CRMP1: variants seen among roughly 807,000 people sequenced by gnomAD.
CRMP1 encodes collapsin response mediator protein 1.
CRMP1 carries 19 observed loss-of-function variants against 68.3 expected under a neutral mutation model. That is an observed-to-expected ratio of 0.28 (90% CI 0.19 to 0.41). The LOEUF (loss-of-function observed/expected upper bound fraction) is 0.41. Ranked by LOEUF, CRMP1 falls within the 10% of genes least tolerant of loss-of-function variation. The pLI is 1.00. For synonymous variants in CRMP1, 439 were observed against 399.6 expected (o/e 1.10, Z -1.18); for missense variants, 791 against 967.4 (o/e 0.82, Z 2.42).
intron 6 of CRMP1, among the ~76,000 whole-genome samples, chr4:5,845,635 GA>G (rs1441621511): frequency 6.6e-6 from 1 of 152,192 alleles, no homozygotes; most frequent in East Asian, 1.9e-4. Context: ...AGACCCACAG[GA>G]CCATGAGATA....
In CRMP1 at chr4:5,892,753, C is replaced by T; in HGVS notation, c.217G>A (p.Val73Ile). The change falls in exon 1 of 14, where the codon GTC becomes ATC. Residue 73 changes from valine (V) to isoleucine (I), a missense_variant. Physicochemically the swap from Val to Ile is conservative, Grantham distance 29. This residue lies in a region of CRMP1 where 193 missense variants were observed against 186.3 expected (regional missense o/e 1.04). Transcript: ENST00000324989. The surrounding 1 kb of genome is among the most constrained non-coding windows in gnomAD (Gnocchi z 8.6). ...CTGCCTCCCGGCCCTGGCAGCCCGA[C>T]CGCGTCGGGCCGGCCAGCGCTGCGC... ...TPRSAGRPDA[V>I]GLPGPGGSED... 1 of 1,228,102 alleles carries T rather than the reference C, an allele frequency of 8.1e-7. No homozygotes were observed. The highest frequency in any genetic ancestry group is 3.5e-5 in the East Asian group (1 of 28,766). The allele number at this position is 1,228,102 out of a possible 1,614,324, so 76.1% of individuals were successfully genotyped here.
At chr4:5,863,308 A>G (rs1713727040) in intron 2 of CRMP1, among the ~76,000 whole-genome samples, 1 of 151,966 alleles carries the variant, frequency 6.6e-6, no homozygotes, top group Non-Finnish European at 1.5e-5. Flanking sequence ...AGGTATTCTC[A>G]TTTTGCAAAA....
At chr4:5,886,934 G>C (rs1370903619) in intron 1 of CRMP1, among the ~76,000 whole-genome samples, 4 of 152,232 alleles carry the variant, frequency 2.6e-5, no homozygotes, top group Non-Finnish European at 5.9e-5. Flanking sequence ...CCTCTGGATG[G>C]GGGCTTGGCA....
intron 1 of CRMP1, among the ~76,000 whole-genome samples, chr4:5,878,194 T>C (rs1242032972): frequency 6.6e-6 from 1 of 151,520 alleles, no homozygotes; most frequent in Non-Finnish European, 1.5e-5. Flanking sequence ...AGCTAGGATT[T>C]GAACCGAATT....
Position 5,881,033 on chromosome 4 carries a change from C to T in CRMP1, c.381+11556G>A, listed in dbSNP as rs376180292. Among the ~76,000 whole-genome samples, 106 of 152,292 alleles carry T rather than the reference C, an allele frequency of 7.0e-4. 1 individual carries two copies. Among genetic ancestry groups the T allele is most frequent in the African/African-American group, 2.5e-3 (105 of 41,540 alleles). ...TTACTGAAATTGAAGTGCTCACCAC[C>T]CCCAGCCCAGGAGGAGGAATCCTTT... is the stretch of plus-strand genomic sequence containing the variant. On this transcript the variant is annotated intron_variant, in intron 1 of 13. Transcript: ENST00000324989. This position sits in a 1 kb window ranked among gnomAD's most constrained non-coding sequence, Gnocchi z 4.6.
rs1449350712 is a variant in CRMP1, at chr4:5,889,012, A to G, written c.381+3577T>C. Among the ~76,000 whole-genome samples, 1 of 151,782 alleles carries G rather than the reference A, an allele frequency of 6.6e-6. No homozygotes were observed. The highest frequency in any genetic ancestry group is 1.5e-5 in the Non-Finnish European group (1 of 67,928). On this transcript the variant is annotated intron_variant, in intron 1 of 13. Coordinates refer to ENST00000324989, the MANE Select transcript of CRMP1 (RefSeq NM_001014809.3). This position sits in a 1 kb window ranked among gnomAD's most constrained non-coding sequence, Gnocchi z 4.5. ...AGCACTTTTTCCATCTCGGACCCCA[A>G]GCCTTTATTCACGCTGTACCCTCTC...
Position 5,865,179 on chromosome 4 carries a change from C to A in CRMP1, c.470+1489G>T, listed in dbSNP as rs555825692. 2.0e-5 allele frequency among the ~76,000 whole-genome samples: 3 copies of A among 152,250 alleles called. No homozygotes were observed. Among genetic ancestry groups the A allele is most frequent in the African/African-American group, 7.2e-5 (3 of 41,536 alleles). ...TCCCCTTGCTCCAATTCCCCTCTGCCTTTCCTTCTTGTGCCAGCCACTCAT... is the reference window on the plus strand; with the variant it reads ...TCCCCTTGCTCCAATTCCCCTCTGCATTTCCTTCTTGTGCCAGCCACTCAT... On this transcript the variant is annotated intron_variant, in intron 2 of 13. Coordinates refer to ENST00000324989, the MANE Select transcript of CRMP1 (RefSeq NM_001014809.3). The surrounding 1 kb of genome is among the most constrained non-coding windows in gnomAD (Gnocchi z 4.1).
intron 1 of CRMP1, among the ~76,000 whole-genome samples, chr4:5,885,216 T>C (rs1415355241): frequency 2.0e-5 from 3 of 152,128 alleles, no homozygotes; most frequent in Non-Finnish European, 4.4e-5. Flanking sequence ...CTGCCTGTGA[T>C]GCCCCTTCAC....
intron 8 of CRMP1, among the ~76,000 whole-genome samples, chr4:5,839,936 G>A (rs1004333248): frequency 9.2e-5 from 14 of 152,318 alleles, no homozygotes; most frequent in African/African-American, 2.4e-4. Context: ...CTGTGGATAT[G>A]GCTGTTGCTT....
chr4:5,828,493 T>G lies in CRMP1; in HGVS notation c.1799A>C (p.Asn600Thr), dbSNP rs1346575481. The G allele has an allele frequency of 2.5e-6, 4 of 1,613,988 alleles. No individual in the cohort carries two copies. The highest frequency in any genetic ancestry group is 3.4e-6 in the Non-Finnish European group (4 of 1,179,874). The change falls in exon 12 of 14, where the codon AAT (asparagine) becomes ACT (threonine). Residue 600 changes from asparagine (N) to threonine (T), a missense_variant. Asn to Thr is a moderately conservative substitution (Grantham distance 65, BLOSUM62 0). Around this residue, in one of 3 missense-constraint regions of CRMP1, gnomAD observed 594 missense variants for 763.6 expected, o/e 0.78. Coordinates refer to ENST00000324989, the MANE Select transcript of CRMP1 (RefSeq NM_001014809.3). ...CTCCCCTGCAGACACACTCACCTTA[T>G]TCCTGATTTTGACGCGCTGGTACAG... ...EHLYQRVKIR[N>T]KVFGLQGVSR...
At position 5,860,982 on chromosome 4, in the gene CRMP1, A is replaced by G. The variant is rs747461734; in HGVS notation, c.655+44T>C. The stretch of plus-strand genomic sequence containing the variant: ...TTGTGATGCTGGTGATGGGGAGGAG[A>G]CCTCACAGTCTATGTCCCTAAGGCA... On this transcript the variant is annotated intron_variant, in intron 3 of 13. Coordinates refer to ENST00000324989, the MANE Select transcript of CRMP1 (RefSeq NM_001014809.3). The surrounding 1 kb of genome is among the most constrained non-coding windows in gnomAD (Gnocchi z 4.2). 3 of 1,585,038 alleles carry G rather than the reference A, an allele frequency of 1.9e-6. No homozygotes were observed. In the South Asian group the frequency reaches 3.4e-5, roughly 18 times the overall value.
At position 5,860,464 on chromosome 4, in the gene CRMP1, G is replaced by C. The variant is rs955065498; in HGVS notation, c.655+562C>G. 1.3e-5 allele frequency among the ~76,000 whole-genome samples: 2 copies of C among 152,090 alleles called. No individual in the cohort carries two copies. The highest frequency in any genetic ancestry group is 2.4e-5 in the African/African-American group (1 of 41,410). ...AAGATTTGGGGGCTGTTTGTTACGC[G>C]GTGTTATCACAGTATTACTGCAGCA... On this transcript the variant is annotated intron_variant, in intron 3 of 13. Coordinates refer to ENST00000324989, the MANE Select transcript of CRMP1 (RefSeq NM_001014809.3). This position sits in a 1 kb window ranked among gnomAD's most constrained non-coding sequence, Gnocchi z 4.2.
In CRMP1 at chr4:5,881,142, C is replaced by CACA. The variant is rs1715195397; in HGVS notation, c.381+11444_381+11446dup. Among the ~76,000 whole-genome samples, 1 of 152,256 alleles carries CACA rather than the reference C, an allele frequency of 6.6e-6. No individual in the cohort carries two copies. The highest frequency in any genetic ancestry group is 1.5e-5 in the Non-Finnish European group (1 of 68,044). ...AGGCGAATGCTCTGGATGCCTGGGACACAGGCCCAAGGAAGGAGTGGGGAA... is the reference window on the plus strand; with the variant it reads ...AGGCGAATGCTCTGGATGCCTGGGACACAACAGGCCCAAGGAAGGAGTGGGGAA... On this transcript the variant is annotated intron_variant, in intron 1 of 13. Coordinates refer to ENST00000324989, the MANE Select transcript of CRMP1 (RefSeq NM_001014809.3). The surrounding 1 kb of genome is among the most constrained non-coding windows in gnomAD (Gnocchi z 4.6).
At chr4:5,875,410 A>T (rs1714739775) in intron 1 of CRMP1, among the ~76,000 whole-genome samples, 2 of 152,116 alleles carry the variant, frequency 1.3e-5, no homozygotes, top group South Asian at 4.1e-4. Flanking sequence ...AAAAAAAAAA[A>T]AAAAAAGAGA....
Position 5,829,158 on chromosome 4 carries a change from C to T in CRMP1, c.1624-490G>A, listed in dbSNP as rs1577742433. 2.0e-5 allele frequency among the ~76,000 whole-genome samples: 3 copies of T among 152,122 alleles called. No individual in the cohort carries two copies. In the South Asian group the frequency reaches 6.2e-4, roughly 31 times the overall value. ...CAATTGACACGATATCGGCACTTACCCCCTCCAGCATTGGGTAATGCCATT... is the reference window on the plus strand; with the variant it reads ...CAATTGACACGATATCGGCACTTACTCCCTCCAGCATTGGGTAATGCCATT... On this transcript the variant is annotated intron_variant, in intron 11 of 13. Transcript: ENST00000324989.
rs1425401192 is a variant in CRMP1, at chr4:5,841,429, C to A, written c.1033-1G>T. Reference sequence around the variant, plus strand: ...CCCGGAACACCGCCTCGGCCTCCAGCTGAACACGGCACACACAGTGTCACA... The same window carrying A: ...CCCGGAACACCGCCTCGGCCTCCAGATGAACACGGCACACACAGTGTCACA... On this transcript the variant is annotated splice_acceptor_variant, in intron 7 of 13. Transcript: ENST00000324989. LOFTEE classifies it high-confidence loss of function. The surrounding 1 kb of genome is among the most constrained non-coding windows in gnomAD (Gnocchi z 6.9). The A allele has an allele frequency of 6.2e-7, 1 of 1,614,138 alleles. No individual in the cohort carries two copies. Among genetic ancestry groups the A allele is most frequent in the East Asian group, 2.2e-5 (1 of 44,880 alleles).
At chr4:5,847,844 G>A (rs763260793) in intron 6 of CRMP1, among the ~76,000 whole-genome samples, 1 of 152,172 alleles carries the variant, frequency 6.6e-6, no homozygotes, top group Non-Finnish European at 1.5e-5. Context: ...TCACGGAGTA[G>A]TTGTGAGTAT....
intron 2 of CRMP1, among the ~76,000 whole-genome samples, chr4:5,862,228 C>A (rs530664146): frequency 5.3e-5 from 8 of 152,278 alleles, no homozygotes; most frequent in Non-Finnish European, 1.2e-4. Flanking sequence ...AATCCCTTAT[C>A]CCCAGAATCT....
chr4:5,882,169 T>G (rs1487716175), intron 1 of CRMP1, among the ~76,000 whole-genome samples: 1 of 152,228 alleles, frequency 6.6e-6, no homozygotes, highest in Non-Finnish European at 1.5e-5. Context: ...TCCCACCGAT[T>G]TAGAGCTTGA....
Sources: allele counts gnomAD v4.1 joint callset (sites outside exome capture counted in the v4.1 genomes callset), GRCh38; gene constraint gnomAD v4.1.1; regional missense constraint gnomAD v4.1.1; non-coding constraint Gnocchi (gnomAD v3.1); transcripts MANE v1.5; gene names NCBI Gene and HGNC (gene_info 2026-07-23, HGNC 2026-07-21).